RBMS3: variants seen among roughly 807,000 people sequenced by gnomAD.
RBMS3 encodes RNA binding motif single stranded interacting protein 3, also known as RNA-binding motif, single-stranded-interacting protein 3.
In RBMS3, 27 loss-of-function variants were observed where a neutral mutation model predicts 66.8. That is an observed-to-expected ratio of 0.40 (90% CI 0.30 to 0.56). RBMS3 has a LOEUF of 0.56. RBMS3 is among the 20% of genes least tolerant of loss of function. The pLI is 0.40. For missense variants in RBMS3, 513 were observed against 549.5 expected (o/e 0.93, Z 0.66); for synonymous variants, 188 against 183.0 (o/e 1.03, Z -0.22).
At position 30,006,169 on chromosome 3, in the gene RBMS3, C is replaced by G. The variant is rs1699796984; in HGVS notation, c.*2307C>G. 6.6e-6 allele frequency: 1 copy of G among 151,814 alleles called. No homozygotes were observed. 9.4% of individuals were successfully genotyped at this position (151,814 alleles called of 1,614,324 possible). A position where few individuals can be genotyped will look rare whatever the true frequency, so the allele number is the denominator to read the frequency against. ...GGAGCCTGTCTTAGTCCAAAAGAAG[C>G]AGGGAAATGTATTTAAGTGTACTAT... On this transcript the variant is annotated 3_prime_UTR_variant, in exon 15 of 15. Coordinates refer to ENST00000383767, the MANE Select transcript of RBMS3 (RefSeq NM_001003793.3).
At chr3:29,576,798 C>G (rs1275442364) in intron 3 of RBMS3, among the ~76,000 whole-genome samples, 1 of 152,144 alleles carries the variant, frequency 6.6e-6, no homozygotes, top group Non-Finnish European at 1.5e-5. Context: ...AGGCCACTGC[C>G]CATGTTCCCT....
At chr3:29,777,732 G>T (rs2056476065) in intron 6 of RBMS3, among the ~76,000 whole-genome samples, 1 of 151,758 alleles carries the variant, frequency 6.6e-6, no homozygotes, top group South Asian at 2.1e-4. Context: ...AAACACAAAA[G>T]GAATATAAAA....
rs1242684641 is a variant in RBMS3, at chr3:30,008,369, T to G, written c.*4507T>G. ...CTCAAGTGGGTTTCACTAATAAATG[T>G]TTTTTTATATGATTTGAAATCAAGT... On this transcript the variant is annotated 3_prime_UTR_variant, in exon 15 of 15. Transcript: ENST00000383767. 1 of 151,284 alleles carries G rather than the reference T, an allele frequency of 6.6e-6. No individual in the cohort carries two copies. The highest frequency in any genetic ancestry group is 6.6e-5 in the Admixed American group (1 of 15,224). The allele number at this position is 151,284 out of a possible 1,614,324, so 9.4% of individuals were successfully genotyped here. A position where few individuals can be genotyped will look rare whatever the true frequency, so the allele number is the denominator to read the frequency against.
At chr3:29,751,764 A>G (rs2055193557) in intron 5 of RBMS3, among the ~76,000 whole-genome samples, 1 of 152,194 alleles carries the variant, frequency 6.6e-6, no homozygotes, top group South Asian at 2.1e-4. Context: ...TGTGGGACTC[A>G]CAAAGGGGCG....
chr3:29,815,198 A>G (rs748706172), intron 6 of RBMS3, among the ~76,000 whole-genome samples: 2 of 152,206 alleles, frequency 1.3e-5, no homozygotes, highest in Admixed American at 6.5e-5. Context: ...AGATGCAGGA[A>G]CCAGCATTGA....
chr3:29,359,022 AT>A (rs1231431178), intron 1 of RBMS3, among the ~76,000 whole-genome samples: 1 of 152,110 alleles, frequency 6.6e-6, no homozygotes, highest in East Asian at 1.9e-4. Flanking sequence ...TCTTTTCCTA[AT>A]TGAATGCCCT....
intron 4 of RBMS3, among the ~76,000 whole-genome samples, chr3:29,723,096 C>G (rs992717380): frequency 3.9e-5 from 6 of 152,114 alleles, no homozygotes; most frequent in African/African-American, 1.4e-4. Context: ...CTGCCTCATC[C>G]TCCTGAATGG....
intron 6 of RBMS3, among the ~76,000 whole-genome samples, chr3:29,852,092 C>T (rs990754005): frequency 6.6e-6 from 1 of 152,094 alleles, no homozygotes; most frequent in Non-Finnish European, 1.5e-5. Context: ...ACTCCCTATT[C>T]AATAAATGAT....
chr3:29,739,470 A>G (rs1037621708), intron 4 of RBMS3, among the ~76,000 whole-genome samples: 5 of 151,584 alleles, frequency 3.3e-5, no homozygotes, highest in Non-Finnish European at 4.4e-5. Context: ...AAAAAAAAAA[A>G]AAAAAAGAAA....
chr3:29,587,366 C>A lies in RBMS3; in HGVS notation c.399+161C>A, dbSNP rs114561625. The stretch of plus-strand genomic sequence containing the variant: ...TGAGCTCACTCAAACGTGGAGTTTG[C>A]AACAATTTGGTTTATATTTTCTTGT... On this transcript the variant is annotated intron_variant, in intron 4 of 14. Coordinates refer to ENST00000383767, the MANE Select transcript of RBMS3 (RefSeq NM_001003793.3). Among the ~76,000 whole-genome samples the A allele has an allele frequency of 2.2e-3, 335 of 148,892 alleles. 2 individuals carry two copies. The highest frequency in any genetic ancestry group is 7.4e-3 in the African/African-American group (298 of 40,480).
Position 29,606,644 on chromosome 3 carries a change from A to C in RBMS3, c.399+19439A>C, listed in dbSNP as rs137878670. On this transcript the variant is annotated intron_variant, in intron 4 of 14. Transcript: ENST00000383767. ...TGACTGTATTTTATATATGCAATAT[A>C]AAATCACAACCAGACATAAGTGGAC... 2.9e-3 allele frequency among the ~76,000 whole-genome samples: 443 copies of C among 152,088 alleles called. 2 individuals are homozygous for C. Among genetic ancestry groups the C allele is most frequent in the African/African-American group, 0.01 (431 of 41,528 alleles).
chr3:29,929,623 A>G (rs1442123701), intron 10 of RBMS3, among the ~76,000 whole-genome samples: 1 of 152,160 alleles, frequency 6.6e-6, no homozygotes, highest in Non-Finnish European at 1.5e-5. Context: ...CTAGTTACTG[A>G]ATCAAAAATC....
chr3:29,869,281 T>C (rs1027554256), intron 7 of RBMS3, among the ~76,000 whole-genome samples: 1 of 152,100 alleles, frequency 6.6e-6, no homozygotes, highest in Non-Finnish European at 1.5e-5. Flanking sequence ...AAAATGAGGG[T>C]ATAATTACTT....
At chr3:29,850,141 T>C (rs2058894833) in intron 6 of RBMS3, among the ~76,000 whole-genome samples, 1 of 152,148 alleles carries the variant, frequency 6.6e-6, no homozygotes, top group African/African-American at 2.4e-5. Flanking sequence ...AAGACAAGTT[T>C]CTGTGGAGAC....
At chr3:29,862,863 A>AG (rs2059251525) in intron 6 of RBMS3, among the ~76,000 whole-genome samples, 1 of 147,226 alleles carries the variant, frequency 6.8e-6, no homozygotes, top group African/African-American at 2.5e-5. Context: ...AAAAGAAAAA[A>AG]GAAAAAAAAA....
intron 4 of RBMS3, among the ~76,000 whole-genome samples, chr3:29,724,667 G>A (rs1015411890): frequency 2.0e-5 from 3 of 152,110 alleles, no homozygotes; most frequent in Non-Finnish European, 4.4e-5. Context: ...ATGTATCTCA[G>A]TGTCTTTTAC....
rs1246581849 is a variant in RBMS3, at chr3:29,884,025, G to GC, written c.745-136dup. ...GTAAAAATGCTAGTCTTGGCAGTAAGCATAGAGATATACATAGGAGAAAAT... is the reference window on the plus strand; with the variant it reads ...GTAAAAATGCTAGTCTTGGCAGTAAGCCATAGAGATATACATAGGAGAAAAT... On this transcript the variant is annotated intron_variant, in intron 7 of 14. Transcript: ENST00000383767. 5.8e-6 allele frequency: 4 copies of GC among 683,902 alleles called. No individual in the cohort carries two copies. The African/African-American group carries it at 7.3e-5, about 12-fold the overall frequency. 42.4% of individuals were successfully genotyped at this position (683,902 alleles called of 1,614,324 possible).
chr3:29,356,645 T>A (rs1483359136), intron 1 of RBMS3, among the ~76,000 whole-genome samples: 1 of 152,198 alleles, frequency 6.6e-6, no homozygotes, highest in East Asian at 1.9e-4. Flanking sequence ...TCTCAAGGAC[T>A]GTGTTGCTTT....
intron 10 of RBMS3, among the ~76,000 whole-genome samples, chr3:29,914,213 C>A (rs1465725933): frequency 6.6e-6 from 1 of 151,854 alleles, no homozygotes; most frequent in Non-Finnish European, 1.5e-5. Flanking sequence ...AAAACTGACT[C>A]AGGAAATTTC....
Sources: allele counts gnomAD v4.1 joint callset (sites outside exome capture counted in the v4.1 genomes callset), GRCh38; gene constraint gnomAD v4.1.1; transcripts MANE v1.5; gene names NCBI Gene and HGNC (gene_info 2026-07-23, HGNC 2026-07-21).